Variants in BAIAP3 observed in about 807,000 individuals in gnomAD.
The protein encoded by BAIAP3 is BAI1 associated protein 3, also known as BAI1-associated protein 3.
BAIAP3 carries 180 observed loss-of-function variants against 149.7 expected under a neutral mutation model. The observed-to-expected ratio is 1.20, with a 90% confidence interval of 1.07 to 1.36. The LOEUF (loss-of-function observed/expected upper bound fraction) is 1.36. Ranked by LOEUF, BAIAP3 falls within the 40% of genes most tolerant of loss-of-function variation. The probability of loss-of-function intolerance (pLI) is 0.00; values close to 1 mark genes in which losing one functional copy is unlikely to be tolerated. For synonymous variants in BAIAP3, 845 were observed against 670.7 expected, an observed-to-expected ratio of 1.26 and a Z score of -4.02; for missense variants, 1,767 against 1,563.4, an observed-to-expected ratio of 1.13 and a Z score of -2.20.
At chr16:1,341,948 G>A (rs771676812) in intron 9 of BAIAP3, 38 bp from the exon 10 acceptor site, 2 of 1,582,998 alleles carry the variant, frequency 1.3e-6, no homozygotes, top group East Asian at 4.5e-5. Flanking sequence ...CCCGGCTGCG[G>A]GCTCCAGACA....
rs761674595 is a variant in BAIAP3 at position 1,345,992 on chromosome 16, T to C, written c.2215T>C (p.Cys739Arg). The change falls in exon 24 of 34, where the codon TGT (cysteine) becomes CGT (arginine). Residue 739 changes from cysteine to arginine, a missense_variant. By Grantham distance (180) the Cys-to-Arg change is radical (BLOSUM62 -3). Transcript: ENST00000426824. The stretch of plus-strand genomic sequence containing the variant: ...ACCGCCATCCCCTCCTCAGGACGTG[T>C]GTGAGGCCACCCTCTTCTATACGGA... ...GLGTQLGQDV[C>R]EATLFYTELL... The C allele has an allele frequency of 2.5e-6, 4 of 1,607,296 alleles. No individual in the cohort carries two copies. The highest frequency in any genetic ancestry group is 2.2e-5 in the East Asian group (1 of 44,696).
At position 1,339,166 on chromosome 16, in the gene BAIAP3, C is replaced by A. The variant is rs1247973298; in HGVS notation, c.222C>A (p.Val74=). The part of the protein sequence containing the change: ...EGRQGLPCLE[V]PLRSGSPAPP... ...CTCACCCTGGGCCCCACACACAGGT[C>A]CCCCTGCGCAGTGGCTCGCCAGCAC... Residue 74 remains valine, a splice_region_variant and synonymous_variant, in exon 4 of 34, where the codon GTC becomes GTA. Coordinates refer to ENST00000426824, the MANE Select transcript of BAIAP3 (RefSeq NM_001199097.2). 2 of 1,566,956 alleles carry A rather than the reference C, an allele frequency of 1.3e-6. No homozygotes were observed. Among genetic ancestry groups the A allele is most frequent in the Non-Finnish European group, 1.7e-6 (2 of 1,157,260 alleles).
intron 5 of BAIAP3, 78 bp from the exon 6 acceptor site, chr16:1,340,844 G>A: frequency 2.0e-6 from 3 of 1,469,978 alleles, no homozygotes; most frequent in Non-Finnish European, 1.9e-6. Flanking sequence ...GTGACGGGCT[G>A]AGCCCGAGGT....
chr16:1,337,861 G>A (rs2033574542), intron 1 of BAIAP3, among the ~76,000 whole-genome samples: 1 of 152,278 alleles, frequency 6.6e-6, no homozygotes, highest in Middle Eastern at 3.4e-3. Context: ...CTGCTTTGTG[G>A]GGACACTGCC....
rs1269856595 is a variant in BAIAP3, at chr16:1,341,405, G to T, written c.647G>T (p.Gly216Val). 1 of 1,612,674 alleles carries T rather than the reference G, an allele frequency of 6.2e-7. No individual in the cohort carries two copies. Residue 216 changes from glycine (G) to valine (V), a missense_variant, in exon 8 of 34, where the codon GGT becomes GTT. Transcript: ENST00000426824. ...RFGFRKGSKR[G>V]GPLPAKCIQV... ...GGCTTCCGCAAGGGCAGCAAGCGCG[G>T]TGGACCCCTGCCTGCCAAGTGCATC...
At position 1,346,518 on chromosome 16, in the gene BAIAP3, C is replaced by G. The variant is rs2034377754; in HGVS notation, c.2562+8C>G. On this transcript the variant is annotated splice_region_variant and intron_variant, in intron 26 of 33. Transcript: ENST00000426824. Reference sequence around the variant, plus strand: ...TCCATCCAGAACGATGAGGTGAGTGCCGGGGCGAGGGGCCGTGGAGGACTG... The same window carrying G: ...TCCATCCAGAACGATGAGGTGAGTGGCGGGGCGAGGGGCCGTGGAGGACTG... 6.2e-7 allele frequency: 1 copy of G among 1,607,222 alleles called. No individual in the cohort carries two copies. The highest frequency in any genetic ancestry group is 1.1e-5 in the South Asian group (1 of 90,142).
rs771582667 is a variant in BAIAP3, at chr16:1,342,751, C to G, written c.1098C>G (p.Ser366=). The change falls in exon 13 of 34, where the codon TCC becomes TCG. Residue 366 remains serine, a synonymous_variant. Transcript: ENST00000426824. ...RDTAMSQRGR[S]GFLSHLLLLS... ...CGGCCATGAGCCAGCGCGGGCGATC[C>G]GGCTTCCTGTCCCACCTGCTGCTGC... is the stretch of plus-strand genomic sequence containing the variant. The G allele has an allele frequency of 1.2e-6, 2 of 1,612,394 alleles. No individual in the cohort carries two copies. The highest frequency in any genetic ancestry group is 1.3e-5 in the African/African-American group (1 of 74,934).
chr16:1,344,806 A>T lies in BAIAP3; in HGVS notation c.1766A>T (p.Asn589Ile). 3 of 1,613,756 alleles carry T rather than the reference A, an allele frequency of 1.9e-6. No individual in the cohort carries two copies. Among genetic ancestry groups the T allele is most frequent in the Non-Finnish European group, 2.5e-6 (3 of 1,180,010 alleles). Reference sequence around the variant, plus strand: ...TGTCCCTTGCTCTGCAGCATCCTCAATGTGGACGTCTTCACCCTGACCTTC... The same window carrying T: ...TGTCCCTTGCTCTGCAGCATCCTCATTGTGGACGTCTTCACCCTGACCTTC... ...VYASLFHSIL[N>I]VDVFTLTFRQ... The change falls in exon 20 of 34, where the codon AAT (asparagine) becomes ATT (isoleucine). Residue 589 changes from asparagine (N) to isoleucine (I), a missense_variant. Physicochemically the swap from Asn to Ile is moderately radical, Grantham distance 149. Coordinates refer to ENST00000426824, the MANE Select transcript of BAIAP3 (RefSeq NM_001199097.2).
rs1158754934 is a variant in BAIAP3, at chr16:1,346,234, T to C, written c.2366T>C (p.Leu789Pro). The C allele has an allele frequency of 6.2e-7, 1 of 1,612,148 alleles. No homozygotes were observed. The highest frequency in any genetic ancestry group is 1.1e-5 in the South Asian group (1 of 91,026). ...RKAAGQALKG[L>P]AWPEGATGPE... ...GCTGCTGGGCAGGCCTTGAAGGGCC[T>C]GGCATGGCCAGAGGGGGCCACGGGG... is the stretch of plus-strand genomic sequence containing the variant. Residue 789 changes from leucine to proline, a missense_variant, in exon 25 of 34, where the codon CTG (leucine) becomes CCG (proline). Transcript: ENST00000426824.
Position 1,344,509 on chromosome 16 carries a change from A to T in BAIAP3, c.1643A>T (p.Lys548Met). The T allele has an allele frequency of 6.2e-7, 1 of 1,612,994 alleles. No homozygotes were observed. Among genetic ancestry groups the T allele is most frequent in the Non-Finnish European group, 8.5e-7 (1 of 1,179,934 alleles). Residue 548 changes from lysine (K) to methionine (M), a missense_variant, in exon 18 of 34, where the codon AAG (lysine) becomes ATG (methionine). Physicochemically the swap from Lys to Met is moderately conservative, Grantham distance 95 (BLOSUM62 -1). Transcript: ENST00000426824. ...REWYDRILND[K>M]SPREQPGPQR... ...TGGTACGACAGGATCCTGAATGACA[A>T]GAGTCCCCGAGAGCAGGTGCAGTTG...
chr16:1,346,224 T>G lies in BAIAP3; in HGVS notation c.2356T>G (p.Leu786Val). Residue 786 changes from leucine (L) to valine (V), a missense_variant, in exon 25 of 34, where the codon TTG (leucine) becomes GTG (valine). Leu to Val is a conservative substitution (Grantham distance 32). Coordinates refer to ENST00000426824, the MANE Select transcript of BAIAP3 (RefSeq NM_001199097.2). ...CGTGCGCAAGGCTGCTGGGCAGGCC[T>G]TGAAGGGCCTGGCATGGCCAGAGGG... Reference protein sequence around the residue: ...ELVRKAAGQALKGLAWPEGAT... With the variant: ...ELVRKAAGQAVKGLAWPEGAT... 6.2e-7 allele frequency: 1 copy of G among 1,612,280 alleles called. No homozygotes were observed. Among genetic ancestry groups the G allele is most frequent in the Non-Finnish European group, 8.5e-7 (1 of 1,179,760 alleles).
At position 1,338,398 on chromosome 16, in the gene BAIAP3, C is replaced by G. The variant is rs558362365; in HGVS notation, c.-10-142C>G. The G allele has an allele frequency of 5.2e-5, 58 of 1,114,494 alleles. No individual in the cohort carries two copies. The South Asian group carries it at 8.7e-4, about 17-fold the overall frequency. The allele number at this position is 1,114,494 out of a possible 1,614,324, so 69.0% of individuals were successfully genotyped here. Reference sequence around the variant, plus strand: ...GGAGCCCTCACCGCCTGACCAGGTGCCCAGCGCCATCCAGGCTGTGGGTGA... The same window carrying G: ...GGAGCCCTCACCGCCTGACCAGGTGGCCAGCGCCATCCAGGCTGTGGGTGA... On this transcript the variant is annotated intron_variant, in intron 1 of 33. Transcript: ENST00000426824.
In BAIAP3 at chr16:1,347,720, G is replaced by A. The variant is rs142821453; in HGVS notation, c.2924G>A (p.Arg975Gln). The A allele has an allele frequency of 4.5e-5, 72 of 1,610,488 alleles. No homozygotes were observed. The highest frequency in any genetic ancestry group is 3.6e-4 in the African/African-American group (27 of 75,020). ...CCGCAGAGGACCCTGGAGCAGAACC[G>A]GTTTGGACGCCTGAGCGTCCGTTGC... ...KLKQRTLEQN[R>Q]FGRLSVRCHY... Residue 975 changes from arginine (R) to glutamine (Q), a missense_variant, in exon 31 of 34, where the codon CGG becomes CAG. Physicochemically the swap from Arg to Gln is conservative, Grantham distance 43. Transcript: ENST00000426824.
intron 20 of BAIAP3, 53 bp from the exon 21 acceptor site, chr16:1,344,916 G>C: frequency 6.2e-7 from 1 of 1,613,632 alleles, no homozygotes; most frequent in Non-Finnish European, 8.5e-7. Flanking sequence ...CCTTGGCTAG[G>C]ACGGTCCTGG....
intron 1 of BAIAP3, chr16:1,334,826 A>T (rs1340357382): frequency 1.4e-6 from 2 of 1,400,974 alleles, no homozygotes; most frequent in South Asian, 1.2e-5. Context: ...GGGCTGAGGG[A>T]GGAAGAGCAG....
In BAIAP3 at chr16:1,338,690, GAGGGGCCC is replaced by G; in HGVS notation, c.131+13_131+20del. 1 of 1,570,616 alleles carries G rather than the reference GAGGGGCCC, an allele frequency of 6.4e-7. No homozygotes were observed. Among genetic ancestry groups the G allele is most frequent in the Non-Finnish European group, 8.6e-7 (1 of 1,160,224 alleles). Reference sequence around the variant, plus strand: ...CTGCCACGGGGGCCTGGTGGGTGCCGAGGGGCCCAGCCCCACACGCCCACAGGGCCATT... The same window carrying G: ...CTGCCACGGGGGCCTGGTGGGTGCCGAGCCCCACACGCCCACAGGGCCATT... On this transcript the variant is annotated intron_variant, in intron 2 of 33. Coordinates refer to ENST00000426824, the MANE Select transcript of BAIAP3 (RefSeq NM_001199097.2).
Position 1,346,487 on chromosome 16 carries a change from C to T in BAIAP3, c.2539C>T (p.Pro847Ser). ...GTATGTACAGCACATCAGTCTCTCG[C>T]CTGACTCCATCCAGAACGATGAGGT... is the stretch of plus-strand genomic sequence containing the variant. ...RKYVQHISLS[P>S]DSIQNDEAVA... Residue 847 changes from proline to serine, a missense_variant, in exon 26 of 34, where the codon CCT becomes TCT. Transcript: ENST00000426824. The T allele has an allele frequency of 6.2e-7, 1 of 1,611,862 alleles. No homozygotes were observed. Among genetic ancestry groups the T allele is most frequent in the Non-Finnish European group, 8.5e-7 (1 of 1,179,488 alleles).
chr16:1,346,986 G>C, intron 28 of BAIAP3, 31 bp downstream of exon 28: 1 of 1,560,524 alleles, frequency 6.4e-7, no homozygotes, highest in Non-Finnish European at 8.7e-7. Flanking sequence ...CCTCCCCGCC[G>C]GCCCCCGCCT....
rs1596592380 is a variant in BAIAP3, at chr16:1,347,543, A to G, written c.2824-2A>G. ...CCCCTCCTGATGCGCTTCCCCCTGC[A>G]GAGGCTGAAGGAGGAGCTGCGGCTG... is the stretch of plus-strand genomic sequence containing the variant. On this transcript the variant is annotated splice_acceptor_variant, in intron 29 of 33. Transcript: ENST00000426824. LOFTEE classifies it high-confidence loss of function. 6.2e-7 allele frequency: 1 copy of G among 1,605,052 alleles called. No individual in the cohort carries two copies. The highest frequency in any genetic ancestry group is 8.5e-7 in the Non-Finnish European group (1 of 1,176,620).
Sources: allele counts gnomAD v4.1 joint callset (sites outside exome capture counted in the v4.1 genomes callset), GRCh38; gene constraint gnomAD v4.1.1; transcripts MANE v1.5; gene names NCBI Gene and HGNC (gene_info 2026-07-23, HGNC 2026-07-21).